DCLRE1C: variants seen among roughly 807,000 people sequenced by gnomAD.
The protein encoded by DCLRE1C is DNA cross-link repair 1C, also known as protein artemis.
Under a neutral mutation model 61.4 loss-of-function variants are expected in DCLRE1C, and 47 were observed. The observed-to-expected ratio is 0.77, with a 90% CI of 0.61 to 0.98. The LOEUF (loss-of-function observed/expected upper bound fraction) is 0.98, where lower values mean the gene tolerates loss of function less well. DCLRE1C is among the 50% of genes least tolerant of loss of function. The pLI is 0.00. For missense variants in DCLRE1C, 858 were observed against 816.0 expected, an observed-to-expected ratio of 1.05 and a Z score of -0.63; for synonymous variants, 337 against 287.6, an observed-to-expected ratio of 1.17 and a Z score of -1.74.
In DCLRE1C at chr10:14,928,609, T is replaced by C. The variant is rs550230792; in HGVS notation, c.781-457A>G. Reference sequence around the variant, plus strand: ...GGAAGGGTATTGTACTGTGGTTATATAGGAAAATGTTCTTATTCTCAAGAG... The same window carrying C: ...GGAAGGGTATTGTACTGTGGTTATACAGGAAAATGTTCTTATTCTCAAGAG... On this transcript the variant is annotated intron_variant, in intron 9 of 13. Transcript: ENST00000378278. Among the ~76,000 whole-genome samples the C allele has an allele frequency of 2.6e-5, 4 of 152,270 alleles. No individual in the cohort carries two copies. In the South Asian group the frequency reaches 8.3e-4, roughly 32 times the overall value.
intron 2 of DCLRE1C, among the ~76,000 whole-genome samples, chr10:14,948,410 T>TA (rs1464680151): frequency 5.9e-5 from 9 of 152,198 alleles, no homozygotes; most frequent in African/African-American, 2.2e-4. Context: ...GAGAAGCATC[T>TA]AACAGTTCAG....
chr10:14,912,892 A>C, intron 13 of DCLRE1C, among the ~76,000 whole-genome samples: 1 of 149,594 alleles, frequency 6.7e-6, no homozygotes, highest in Admixed American at 6.7e-5. Context: ...CGTGTTAGCC[A>C]GGATGGTCTC....
exon 14 of DCLRE1C, chr10:14,898,567 A>G (rs1474144617): frequency 6.6e-6 from 1 of 152,194 alleles, no homozygotes; most frequent in African/African-American, 2.4e-5. Flanking sequence ...TATTCAGTAT[A>G]CAAGATCTTG....
chr10:14,933,529 C>T (rs1309544441), intron 8 of DCLRE1C, among the ~76,000 whole-genome samples: 4 of 151,956 alleles, frequency 2.6e-5, no homozygotes, highest in East Asian at 1.9e-4. Flanking sequence ...CCAAGCTACT[C>T]GGGAGTCTGA....
chr10:14,922,713 A>T (rs914370084), intron 12 of DCLRE1C, among the ~76,000 whole-genome samples: 7 of 152,138 alleles, frequency 4.6e-5, no homozygotes, highest in African/African-American at 1.7e-4. Context: ...TAGCTCAGAG[A>T]AGTGATCTGG....
At chr10:14,932,228 T>C (rs1436302546) in intron 9 of DCLRE1C, among the ~76,000 whole-genome samples, 2 of 151,736 alleles carry the variant, frequency 1.3e-5, no homozygotes, top group East Asian at 2.0e-4. Context: ...TCTCGAAATA[T>C]ATAAATACAT....
At chr10:14,936,127 C>G (rs1839868308) in intron 5 of DCLRE1C, among the ~76,000 whole-genome samples, 2 of 152,016 alleles carry the variant, frequency 1.3e-5, no homozygotes, top group Non-Finnish European at 2.9e-5. Context: ...TTCCTGGCCT[C>G]AAGTGATGCA....
chr10:14,936,068 A>C (rs1484309942), intron 5 of DCLRE1C, among the ~76,000 whole-genome samples: 1 of 151,924 alleles, frequency 6.6e-6, no homozygotes, highest in East Asian at 1.9e-4. Context: ...TAATGTTTAT[A>C]CTTTTTGTAA....
At position 14,936,529 on chromosome 10, in the gene DCLRE1C, C is replaced by T. The variant is rs1839950577; in HGVS notation, c.362+9G>A. The T allele has an allele frequency of 2.5e-6, 4 of 1,607,428 alleles. No homozygotes were observed. The African/African-American group carries it at 4.0e-5, about 16-fold the overall frequency. On this transcript the variant is annotated intron_variant, in intron 5 of 13. Transcript: ENST00000378278. ...TATAATAAAATGACAAAATAAATGA[C>T]CCCCTTACATAACTGATCCCGGACA... is the stretch of plus-strand genomic sequence containing the variant.
At chr10:14,928,979 C>T (rs1448887487) in intron 9 of DCLRE1C, among the ~76,000 whole-genome samples, 1 of 152,044 alleles carries the variant, frequency 6.6e-6, no homozygotes, top group African/African-American at 2.4e-5. Flanking sequence ...AGGATTTCAC[C>T]ATGTTGGCTG....
intron 4 of DCLRE1C, among the ~76,000 whole-genome samples, chr10:14,937,953 A>G (rs1382238242): frequency 1.3e-5 from 2 of 151,162 alleles, no homozygotes; most frequent in African/African-American, 4.9e-5. Flanking sequence ...CCCGATTCAC[A>G]CTGCACATCA....
chr10:14,953,764 A>C (rs888239058), intron 1 of DCLRE1C, 138 bp downstream of exon 1: 43 of 1,278,636 alleles, frequency 3.4e-5, no homozygotes, highest in Non-Finnish European at 3.5e-5. Flanking sequence ...GAAGAGCCCG[A>C]CTGGGACAAG....
chr10:14,907,807 A>G lies in DCLRE1C; in HGVS notation c.*601T>C, dbSNP rs763153679. On this transcript the variant is annotated 3_prime_UTR_variant, in exon 14 of 14. Transcript: ENST00000378278. ...TCATTGATGCACTTAGACCATTTAC[A>G]TTTAATGTAATCATTGATACGTATG... The G allele has an allele frequency of 7.2e-6, 1 of 138,220 alleles. No individual in the cohort carries two copies. The highest frequency in any genetic ancestry group is 1.6e-5 in the Non-Finnish European group (1 of 63,936). 8.6% of individuals were successfully genotyped at this position (138,220 alleles called of 1,614,324 possible).
intron 1 of DCLRE1C, among the ~76,000 whole-genome samples, chr10:14,951,156 A>G (rs1404865390): frequency 6.6e-6 from 1 of 151,878 alleles, no homozygotes; most frequent in African/African-American, 2.4e-5. Flanking sequence ...AGGTGAGTGG[A>G]TCACCTGCAC....
Position 14,945,139 on chromosome 10 carries a change from G to T in DCLRE1C, c.212C>A (p.Thr71Lys). 6.2e-7 allele frequency: 1 copy of T among 1,612,692 alleles called. No individual in the cohort carries two copies. Among genetic ancestry groups the T allele is most frequent in the Non-Finnish European group, 8.5e-7 (1 of 1,179,498 alleles). The part of the protein sequence containing the change: ...CSPVTKELLL[T>K]SPKYRFWKKR... The stretch of plus-strand genomic sequence containing the variant: ...CTTCCAAAATCTGTATTTCGGGCTC[G>T]TTAACAACAACTCCTTAGTCACAGG... The change falls in exon 3 of 14, where the codon ACG becomes AAG. Residue 71 changes from threonine to lysine, a missense_variant. Thr to Lys is a moderately conservative substitution (Grantham distance 78). Coordinates refer to ENST00000378278, the MANE Select transcript of DCLRE1C (RefSeq NM_001033855.3).
intron 2 of DCLRE1C, chr10:14,945,494 C>G (rs1841533892): frequency 8.7e-7 from 1 of 1,152,270 alleles, no homozygotes; most frequent in Non-Finnish European, 1.1e-6. Flanking sequence ...CACGGTGTCC[C>G]TGGACCTCCT....
Position 14,926,910 on chromosome 10 carries a change from G to A in DCLRE1C, c.918-13C>T. 6.2e-7 allele frequency: 1 copy of A among 1,611,348 alleles called. No individual in the cohort carries two copies. Among genetic ancestry groups the A allele is most frequent in the Non-Finnish European group, 8.5e-7 (1 of 1,177,804 alleles). On this transcript the variant is annotated splice_polypyrimidine_tract_variant and intron_variant, in intron 10 of 13. Coordinates refer to ENST00000378278, the MANE Select transcript of DCLRE1C (RefSeq NM_001033855.3). ...ACTCTCTCCAGTCCTAAAGGGAAGT[G>A]AAAACACAAAATAAAAAGATCACTG...
upstream of DCLRE1C, chr10:14,954,177 G>A: frequency 8.3e-7 from 1 of 1,212,000 alleles, no homozygotes; most frequent in Non-Finnish European, 1.2e-6. Flanking sequence ...AAGTCAAGGA[G>A]CATCCGGTCG....
At chr10:14,901,545 CT>C (rs761960859), downstream of DCLRE1C, among the ~76,000 whole-genome samples, 279 of 147,262 alleles carry the variant, frequency 1.9e-3, no homozygotes, top group Admixed American at 2.0e-3. Flanking sequence ...TACTACTTGT[CT>C]TTTTTTTTTT....
Sources: gnomAD v4.1 joint callset for allele counts (sites outside exome capture counted in the v4.1 genomes callset) on GRCh38, gnomAD v4.1.1 for gene constraint, MANE v1.5 for transcripts, NCBI Gene and HGNC (gene_info 2026-07-23, HGNC 2026-07-21) for gene names.